NNT: variants seen among roughly 807,000 people sequenced by gnomAD.
NNT encodes the protein nicotinamide nucleotide transhydrogenase, also known as NAD(P) transhydrogenase, mitochondrial.
Under a neutral mutation model 104.8 loss-of-function variants are expected in NNT, and 50 were observed. The ratio of observed to expected loss-of-function variants is 0.48; its 90% confidence interval spans 0.38 to 0.60. NNT has a LOEUF of 0.60. NNT is among the 20% of genes least tolerant of loss of function. NNT has a pLI of 0.00. For synonymous variants in NNT, 461 were observed against 490.4 expected (o/e 0.94, Z 0.79); for missense variants, 1,131 against 1,330.7 (o/e 0.85, Z 2.33).
At chr5:43,625,987 T>G (rs1454065921) in intron 6 of NNT, among the ~76,000 whole-genome samples, 1 of 152,078 alleles carries the variant, frequency 6.6e-6, no homozygotes, top group Non-Finnish European at 1.5e-5. Context: ...ATATTTTTAG[T>G]GGCTGCAGAA....
intron 6 of NNT, among the ~76,000 whole-genome samples, chr5:43,626,531 T>C (rs1750373305): frequency 1.3e-5 from 2 of 152,120 alleles, no homozygotes; most frequent in Non-Finnish European, 2.9e-5. Context: ...TAAATGCTAA[T>C]ATGTTATAAT....
At chr5:43,698,245 T>C (rs1423342908) in intron 19 of NNT, among the ~76,000 whole-genome samples, 1 of 152,058 alleles carries the variant, frequency 6.6e-6, no homozygotes, top group Non-Finnish European at 1.5e-5. Context: ...AACGTCATTT[T>C]GTTCAGTATC....
At chr5:43,692,230 G>A (rs1742321498) in intron 19 of NNT, among the ~76,000 whole-genome samples, 1 of 152,136 alleles carries the variant, frequency 6.6e-6, no homozygotes, top group Non-Finnish European at 1.5e-5. Context: ...TAGAGTAAGG[G>A]AACAGGGGCA....
chr5:43,632,418 G>A (rs965548539), intron 7 of NNT, among the ~76,000 whole-genome samples: 22 of 152,304 alleles, frequency 1.4e-4, no homozygotes, highest in South Asian at 1.0e-3. Context: ...GCAACTTTAC[G>A]GAGTTAGTAA....
chr5:43,619,213 A>G (rs1749943938), intron 5 of NNT, 94 bp downstream of exon 5: 10 of 550,902 alleles, frequency 1.8e-5, no homozygotes, highest in Admixed American at 3.8e-5. Context: ...AAATTTTTAT[A>G]TGTTAACCTC....
At chr5:43,609,073 T>C (rs562060911) in intron 1 of NNT, 70 bp from the exon 2 acceptor site, 3 of 686,522 alleles carry the variant, frequency 4.4e-6, no homozygotes, top group South Asian at 5.0e-5. Context: ...ATTTTTAAAA[T>C]GTTTTTCATG....
In NNT at chr5:43,700,144, C is replaced by T. The variant is rs146831958; in HGVS notation, c.2902C>T (p.Arg968Ter). 5 of 1,612,074 alleles carry T rather than the reference C, an allele frequency of 3.1e-6. No homozygotes were observed. Among genetic ancestry groups the T allele is most frequent in the African/African-American group, 1.3e-5 (1 of 74,802 alleles). The change falls in exon 20 of 22, where the codon CGA becomes TGA. Residue 968 changes from arginine (R) to a stop codon, truncating the protein, a stop_gained. Transcript: ENST00000344920. LOFTEE classifies it high-confidence loss of function. Reference sequence around the variant, plus strand: ...GTTTGGAATTCACCCAGTTGCAGGCCGAATGCCTGGTCAGCTTAATGTGCT... The same window carrying T: ...GTTTGGAATTCACCCAGTTGCAGGCTGAATGCCTGGTCAGCTTAATGTGCT... ...VRFGIHPVAGRMPGQLNVLLA... is the reference protein window; with the variant it reads ...VRFGIHPVAG
At chr5:43,672,812 G>T (rs759902015) in intron 17 of NNT, among the ~76,000 whole-genome samples, 55 of 152,218 alleles carry the variant, frequency 3.6e-4, no homozygotes, top group Non-Finnish European at 5.7e-4. Context: ...CTTCAAAGCT[G>T]TCAGACAGGG....
intron 20 of NNT, among the ~76,000 whole-genome samples, chr5:43,702,042 T>G (rs1742876508): frequency 6.6e-6 from 1 of 152,152 alleles, no homozygotes; most frequent in Non-Finnish European, 1.5e-5. Flanking sequence ...TGTGAATATT[T>G]TCTCTCATTC....
rs376626786 is a variant in NNT, at chr5:43,686,267, A to G, written c.2876+8461A>G. Among the ~76,000 whole-genome samples, 45 of 151,668 alleles carry G rather than the reference A, an allele frequency of 3.0e-4. 1 individual carries two copies. The highest frequency in any genetic ancestry group is 1.1e-3 in the African/African-American group (45 of 41,422). On this transcript the variant is annotated intron_variant, in intron 19 of 21. Transcript: ENST00000344920. ...TTTTTTTTTTTGCTTCAAGATATTG[A>G]AGAGATTATCCTAATTTGATGACAT... is the stretch of plus-strand genomic sequence containing the variant.
chr5:43,604,862 G>A (rs1173161855), intron 1 of NNT, among the ~76,000 whole-genome samples: 1 of 151,892 alleles, frequency 6.6e-6, no homozygotes, highest in African/African-American at 2.4e-5. Context: ...TTTAGCAATG[G>A]GGGTCTCACT....
chr5:43,612,276 AG>A (rs1287100719), intron 2 of NNT, among the ~76,000 whole-genome samples: 4 of 152,238 alleles, frequency 2.6e-5, no homozygotes, highest in Non-Finnish European at 4.4e-5. Flanking sequence ...GTCCTTGGAC[AG>A]AGTTCCTGTC....
intron 19 of NNT, among the ~76,000 whole-genome samples, chr5:43,690,221 C>A (rs138212439): frequency 6.6e-6 from 1 of 151,830 alleles, no homozygotes; most frequent in Non-Finnish European, 1.5e-5. Context: ...TAAGCCTTCT[C>A]GATATCTTGA....
chr5:43,612,287 C>A (rs1418718243), intron 2 of NNT, among the ~76,000 whole-genome samples: 1 of 152,220 alleles, frequency 6.6e-6, no homozygotes, highest in Non-Finnish European at 1.5e-5. Flanking sequence ...GAGTTCCTGT[C>A]TAAGTCATCT....
Position 43,650,549 on chromosome 5 carries a change from C to G in NNT, c.1679C>G (p.Ala560Gly). The G allele has an allele frequency of 1.2e-6, 2 of 1,614,092 alleles. No homozygotes were observed. The highest frequency in any genetic ancestry group is 1.7e-6 in the Non-Finnish European group (2 of 1,179,966). The change falls in exon 12 of 22, where the codon GCT becomes GGT. Residue 560 changes from alanine (A) to glycine (G), a missense_variant. Physicochemically the swap from Ala to Gly is moderately conservative, Grantham distance 60. Transcript: ENST00000344920. ...LYPSTTSQGL[A>G]ALAAFISSVN... Reference sequence around the variant, plus strand: ...CCTTCCACAACTTCTCAGGGCCTTGCTGCTCTTGCTGCATTCATATCCTCT... The same window carrying G: ...CCTTCCACAACTTCTCAGGGCCTTGGTGCTCTTGCTGCATTCATATCCTCT...
chr5:43,671,400 A>G (rs2112066173), intron 17 of NNT, among the ~76,000 whole-genome samples: 1 of 152,262 alleles, frequency 6.6e-6, no homozygotes, highest in African/African-American at 2.4e-5. Context: ...ACAATTTGGC[A>G]TGTTTTTGCA....
chr5:43,627,744 A>G (rs977701515), intron 6 of NNT, among the ~76,000 whole-genome samples: 3 of 152,166 alleles, frequency 2.0e-5, no homozygotes, highest in African/African-American at 7.2e-5. Context: ...GGTAAAAATC[A>G]CTTTATTAGA....
chr5:43,607,851 C>T (rs1749307253), intron 1 of NNT, among the ~76,000 whole-genome samples: 1 of 152,172 alleles, frequency 6.6e-6, no homozygotes, highest in Non-Finnish European at 1.5e-5. Context: ...TGAGGGTCCA[C>T]ATGATACAGC....
At chr5:43,632,806 C>T (rs1750745080) in intron 7 of NNT, among the ~76,000 whole-genome samples, 1 of 152,194 alleles carries the variant, frequency 6.6e-6, no homozygotes, top group Non-Finnish European at 1.5e-5. Flanking sequence ...TTTTGAGACA[C>T]AGGATTTTTT....
Sources: allele counts gnomAD v4.1 joint callset (sites outside exome capture counted in the v4.1 genomes callset), GRCh38; gene constraint gnomAD v4.1.1; transcripts MANE v1.5; gene names NCBI Gene and HGNC (gene_info 2026-07-23, HGNC 2026-07-21).